The following HIVEP1 variants were observed in gnomAD, a reference collection of about 807,000 sequenced individuals.
The protein encoded by HIVEP1 is zinc finger protein 40.
In HIVEP1, 36 loss-of-function variants were observed where a neutral mutation model predicts 180.0. The observed-to-expected ratio is 0.20, with a 90% CI of 0.15 to 0.26. The LOEUF (loss-of-function observed/expected upper bound fraction) is 0.26. HIVEP1 is among the 10% of genes least tolerant of loss of function. The pLI, the probability that HIVEP1 is intolerant of heterozygous loss-of-function variation, is 1.00. For missense variants in HIVEP1, 3,143 were observed against 3,268.7 expected, an observed-to-expected ratio of 0.96 and a Z score of 0.94; for synonymous variants, 1,239 against 1,239.0, an observed-to-expected ratio of 1.00 and a Z score of 0.00.
intron 4 of HIVEP1, 135 bp from the exon 5 acceptor site, chr6:12,129,624 G>C: frequency 1.4e-6 from 1 of 738,814 alleles, no homozygotes; most frequent in Non-Finnish European, 2.5e-6. Flanking sequence ...AATGCCCTTT[G>C]AACCTATTAC....
chr6:12,017,736 T>C (rs1026061910), intron 2 of HIVEP1, among the ~76,000 whole-genome samples: 2 of 152,238 alleles, frequency 1.3e-5, no homozygotes, highest in African/African-American at 2.4e-5. Context: ...ATTAGCTAGA[T>C]ACAGAGTGCT....
At chr6:12,125,917 T>C in intron 4 of HIVEP1, 47 bp downstream of exon 4, 1 of 1,127,852 alleles carries the variant, frequency 8.9e-7, no homozygotes, top group African/African-American at 1.5e-5. Flanking sequence ...CGCAAATTTG[T>C]TTCCATGTGT....
rs368998842 is a variant in HIVEP1 at position 12,098,119 on chromosome 6, C to T, written c.94+8882C>T. 2.6e-5 allele frequency among the ~76,000 whole-genome samples: 4 copies of T among 152,196 alleles called. No individual in the cohort carries two copies. In the East Asian group the frequency reaches 7.7e-4, roughly 29 times the overall value. ...CCTTTAGCAAGGAGAAAAGTCACTGCCAATTAAGTTATGACACAGTGCTCT... is the reference window on the plus strand; with the variant it reads ...CCTTTAGCAAGGAGAAAAGTCACTGTCAATTAAGTTATGACACAGTGCTCT... On this transcript the variant is annotated intron_variant, in intron 3 of 8. Coordinates refer to ENST00000379388, the MANE Select transcript of HIVEP1 (RefSeq NM_002114.4).
intron 3 of HIVEP1, among the ~76,000 whole-genome samples, chr6:12,111,181 A>G (rs907865267): frequency 6.6e-6 from 1 of 152,234 alleles, no homozygotes; most frequent in Non-Finnish European, 1.5e-5. Flanking sequence ...CAAAAGTTTG[A>G]AGTATTGCAA....
chr6:12,091,767 A>T (rs1275964795), intron 3 of HIVEP1, among the ~76,000 whole-genome samples: 2 of 152,134 alleles, frequency 1.3e-5, no homozygotes, highest in Non-Finnish European at 2.9e-5. Context: ...GATAGAGATA[A>T]GGATGCAACA....
In HIVEP1 at chr6:12,015,664, A is replaced by T. The variant is rs948441447; in HGVS notation, c.36A>T (p.Leu12=). ...CTAAACAAATTCATCCCAGAAATCT[A>T]AGAGGTAAAGCATTGCATTAAGTAG... is the stretch of plus-strand genomic sequence containing the variant. ...PRTKQIHPRN[L]RDKIEEAQKE... The change falls in exon 2 of 9, where the codon CTA becomes CTT. Residue 12 remains leucine, a synonymous_variant. Transcript: ENST00000379388. The T allele has an allele frequency of 1.9e-6, 3 of 1,613,292 alleles. No individual in the cohort carries two copies. In the African/African-American group the frequency reaches 4.0e-5, roughly 22 times the overall value.
At position 12,121,188 on chromosome 6, in the gene HIVEP1, G is replaced by C; in HGVS notation, c.1393G>C (p.Val465Leu). Residue 465 changes from valine to leucine, a missense_variant, in exon 4 of 9, where the codon GTC becomes CTC. This residue lies in a region of HIVEP1 where 365 missense variants were observed against 344.4 expected (regional missense o/e 1.06). Coordinates refer to ENST00000379388, the MANE Select transcript of HIVEP1 (RefSeq NM_002114.4). The surrounding 1 kb of genome is among the most constrained non-coding windows in gnomAD (Gnocchi z 5.3). Reference protein sequence around the residue: ...SHAHTIKLGLVLQPDAGGLFL... With the variant: ...SHAHTIKLGLLLQPDAGGLFL... ...CGCACATACTATCAAACTGGGTCTT[G>C]TCTTGCAACCAGATGCTGGTGGCTT... The C allele has an allele frequency of 3.1e-6, 5 of 1,614,150 alleles. No individual in the cohort carries two copies. The highest frequency in any genetic ancestry group is 4.2e-6 in the Non-Finnish European group (5 of 1,180,026).
intron 4 of HIVEP1, 129 bp downstream of exon 4, chr6:12,125,999 T>C: frequency 1.6e-6 from 1 of 627,360 alleles, no homozygotes; most frequent in South Asian, 2.0e-5. Flanking sequence ...AAATGTCTTA[T>C]TTGAAAGACA....
intron 3 of HIVEP1, among the ~76,000 whole-genome samples, chr6:12,103,382 G>A (rs1319561642): frequency 1.3e-5 from 2 of 152,074 alleles, no homozygotes; most frequent in Non-Finnish European, 2.9e-5. Flanking sequence ...TCACATAGCT[G>A]AAGCGGCAGA....
At position 12,122,524 on chromosome 6, in the gene HIVEP1, G is replaced by A. The variant is rs368307591; in HGVS notation, c.2729G>A (p.Ser910Asn). The A allele has an allele frequency of 1.9e-6, 3 of 1,614,072 alleles. No homozygotes were observed. In the African/African-American group the frequency reaches 4.0e-5, roughly 22 times the overall value. The change falls in exon 4 of 9, where the codon AGT (serine) becomes AAT (asparagine). Residue 910 changes from serine (S) to asparagine (N), a missense_variant. Ser to Asn is a conservative substitution (Grantham distance 46). Coordinates refer to ENST00000379388, the MANE Select transcript of HIVEP1 (RefSeq NM_002114.4). ...AAIEDSSANE[S>N]HVLGTGQSLD... The stretch of plus-strand genomic sequence containing the variant: ...ATAGAAGACTCTTCAGCAAATGAAA[G>A]TCATGTTCTTGGTACTGGACAGTCC...
chr6:12,061,723 G>C (rs1771249101), intron 2 of HIVEP1, among the ~76,000 whole-genome samples: 1 of 152,038 alleles, frequency 6.6e-6, no homozygotes, highest in Non-Finnish European at 1.5e-5. Flanking sequence ...GTGGTAAATT[G>C]AATATGAAAA....
At chr6:12,018,555 T>C (rs563904724) in intron 2 of HIVEP1, among the ~76,000 whole-genome samples, 1 of 152,360 alleles carries the variant, frequency 6.6e-6, no homozygotes, top group South Asian at 2.1e-4. Flanking sequence ...CTATGTACTA[T>C]GGTGAGAAAT....
chr6:12,107,661 GGTGA>G (rs1417835413), intron 3 of HIVEP1, among the ~76,000 whole-genome samples: 4 of 152,208 alleles, frequency 2.6e-5, no homozygotes, highest in Admixed American at 2.6e-4. Context: ...AGACCTTCGT[GGTGA>G]GTGTTACAGC....
Position 12,135,807 on chromosome 6 carries a change from C to T in HIVEP1, c.6402C>T (p.His2134=). ...TCCCTTAAGGAAATCTGACAAAACA[C>T]ATGAAGTCCAAGGCACATAGCAAGA... The part of the protein sequence containing the change: ...SFKTKGNLTK[H]MKSKAHSKKC... The change falls in exon 7 of 9, where the codon CAC becomes CAT. Residue 2134 remains histidine (H), a synonymous_variant. Transcript: ENST00000379388. The T allele has an allele frequency of 1.2e-6, 2 of 1,609,840 alleles. No individual in the cohort carries two copies. The highest frequency in any genetic ancestry group is 1.7e-6 in the Non-Finnish European group (2 of 1,176,464).
chr6:12,160,032 A>T (rs908133135), intron 7 of HIVEP1, among the ~76,000 whole-genome samples: 1 of 152,164 alleles, frequency 6.6e-6, no homozygotes, highest in African/African-American at 2.4e-5. Context: ...CTCTGTTTAC[A>T]TGTTTGTCTC....
chr6:12,185,743 A>G, the HIVEP1 span, among the ~76,000 whole-genome samples: 258 of 152,344 alleles, frequency 1.7e-3, no homozygotes, highest in African/African-American at 6.0e-3. Flanking sequence ...CCAGTGGCCT[A>G]TGTACCACTA....
intron 7 of HIVEP1, among the ~76,000 whole-genome samples, chr6:12,154,222 C>T (rs1210223075): frequency 1.3e-5 from 2 of 152,198 alleles, no homozygotes; most frequent in South Asian, 2.1e-4. Flanking sequence ...AAACCTGGTT[C>T]GCACCTACAG....
chr6:12,132,836 A>G (rs942029812), intron 6 of HIVEP1, among the ~76,000 whole-genome samples: 1 of 152,204 alleles, frequency 6.6e-6, no homozygotes, highest in Non-Finnish European at 1.5e-5. Flanking sequence ...TTTTCTTGGC[A>G]TGACACTTCT....
At chr6:12,162,341 C>A (rs978496445) in intron 8 of HIVEP1, among the ~76,000 whole-genome samples, 5 of 152,158 alleles carry the variant, frequency 3.3e-5, no homozygotes, top group African/African-American at 9.7e-5. Flanking sequence ...CACTGACTTA[C>A]CCAAACATTT....
Sources: allele counts gnomAD v4.1 joint callset (sites outside exome capture counted in the v4.1 genomes callset), GRCh38; gene constraint gnomAD v4.1.1; regional missense constraint gnomAD v4.1.1; non-coding constraint Gnocchi (gnomAD v3.1); transcripts MANE v1.5; gene names NCBI Gene and HGNC (gene_info 2026-07-23, HGNC 2026-07-21).